The following GDPD5 variants were observed in gnomAD, a reference collection of about 807,000 sequenced individuals.
GDPD5 encodes the protein glycerophosphodiester phosphodiesterase 2.
In GDPD5, 48 loss-of-function variants were observed where a neutral mutation model predicts 75.1. That is an observed-to-expected ratio of 0.64 (90% CI 0.51 to 0.81). GDPD5 has a LOEUF of 0.81. GDPD5 is among the 40% of genes least tolerant of loss of function. The pLI is 0.00. For synonymous variants in GDPD5, 336 were observed against 339.0 expected, an observed-to-expected ratio of 0.99 and a Z score of 0.10; for missense variants, 706 against 822.6, an observed-to-expected ratio of 0.86 and a Z score of 1.73.
chr11:75,446,295 G>A (rs543272339), intron 9 of GDPD5, among the ~76,000 whole-genome samples: 48 of 152,320 alleles, frequency 3.2e-4, no homozygotes, highest in African/African-American at 1.1e-3. Flanking sequence ...CTGACCTCCT[G>A]GAGAAAGAGA....
intron 3 of GDPD5, among the ~76,000 whole-genome samples, chr11:75,473,775 T>C (rs1043492672): frequency 3.3e-5 from 5 of 152,138 alleles, no homozygotes; most frequent in African/African-American, 7.2e-5. Flanking sequence ...GTGCACACAG[T>C]TCCCCCTACC....
At chr11:75,450,024 T>TG in intron 6 of GDPD5, 41 bp from the exon 7 acceptor site, 1 of 1,561,382 alleles carries the variant, frequency 6.4e-7, no homozygotes, top group Non-Finnish European at 8.8e-7. Flanking sequence ...TCAGAGCGGG[T>TG]GGGAGGGTTC....
At chr11:75,441,116 G>C in intron 14 of GDPD5, 47 bp downstream of exon 14, 1 of 1,594,518 alleles carries the variant, frequency 6.3e-7, no homozygotes, top group Non-Finnish European at 8.6e-7. Context: ...GCAGGCTATA[G>C]GCAGCTCCAG....
chr11:75,510,120 G>T (rs1950484593), intron 1 of GDPD5, among the ~76,000 whole-genome samples: 1 of 152,236 alleles, frequency 6.6e-6, no homozygotes, highest in African/African-American at 2.4e-5. Flanking sequence ...AAGGGAGAAA[G>T]CACGAGGGGC....
intron 16 of GDPD5, among the ~76,000 whole-genome samples, chr11:75,436,058 G>A (rs1435168111): frequency 2.0e-5 from 3 of 152,180 alleles, no homozygotes; most frequent in Non-Finnish European, 2.9e-5. Context: ...GCCCTGGGCC[G>A]AGTTAGGGCC....
chr11:75,493,380 T>A (rs967876611), intron 1 of GDPD5, among the ~76,000 whole-genome samples: 1 of 152,096 alleles, frequency 6.6e-6, no homozygotes, highest in African/African-American at 2.4e-5. Context: ...CTCTGTTTTT[T>A]ATTTTTTTAT....
At chr11:75,522,352 C>T (rs1375996603) in intron 1 of GDPD5, among the ~76,000 whole-genome samples, 1 of 152,190 alleles carries the variant, frequency 6.6e-6, no homozygotes, top group Non-Finnish European at 1.5e-5. Context: ...GGAGGGATGT[C>T]AGGACCCCCC....
intron 1 of GDPD5, among the ~76,000 whole-genome samples, chr11:75,519,133 A>G (rs1379613962): frequency 6.6e-6 from 1 of 152,010 alleles, no homozygotes; most frequent in African/African-American, 2.4e-5. Context: ...AGATGGAGAG[A>G]TGGTGTGGGT....
intron 1 of GDPD5, among the ~76,000 whole-genome samples, chr11:75,497,554 C>CTT (rs10665274): frequency 0.65 from 98,876 of 151,922 alleles, 33,303 homozygotes; most frequent in East Asian, 0.92. Flanking sequence ...CACCCTCTCT[C>CTT]GGCGCCTGCA....
chr11:75,440,314 G>T (rs987325173), intron 14 of GDPD5, among the ~76,000 whole-genome samples: 1 of 152,086 alleles, frequency 6.6e-6, no homozygotes, highest in Non-Finnish European at 1.5e-5. Context: ...CCCCGCTGCC[G>T]ACTCTCATCC....
intron 2 of GDPD5, among the ~76,000 whole-genome samples, chr11:75,487,481 C>A (rs1950040343): frequency 6.6e-6 from 1 of 152,224 alleles, no homozygotes; most frequent in Admixed American, 6.5e-5. Context: ...GCCCTGCAAG[C>A]CTCCTCATTC....
intron 4 of GDPD5, among the ~76,000 whole-genome samples, chr11:75,462,480 G>T (rs983642281): frequency 2.6e-5 from 4 of 152,198 alleles, no homozygotes; most frequent in Non-Finnish European, 5.9e-5. Context: ...GTTCGCAGTA[G>T]GACTCCCCTC....
intron 16 of GDPD5, among the ~76,000 whole-genome samples, chr11:75,436,086 G>A (rs1416043153): frequency 6.6e-6 from 1 of 152,180 alleles, no homozygotes; most frequent in Non-Finnish European, 1.5e-5. Flanking sequence ...GGCAACTCCA[G>A]ACCCTGCTTC....
chr11:75,439,919 C>T lies in GDPD5; in HGVS notation c.1516G>A (p.Val506Ile), dbSNP rs1948739117. The T allele has an allele frequency of 6.2e-7, 1 of 1,613,856 alleles. No individual in the cohort carries two copies. Among genetic ancestry groups the T allele is most frequent in the African/African-American group, 1.3e-5 (1 of 74,912 alleles). The change falls in exon 15 of 17, where the codon GTC becomes ATC. Residue 506 changes from valine to isoleucine, a missense_variant. By Grantham distance (29) the Val-to-Ile change is conservative. Transcript: ENST00000336898. ...ATGCCCACGATGAGGGTGAAGGAGA[C>T]CAGGTCGGCAGTGACCCACATGAGA... ...YCLMWVTADLVSFTLIVGIFV... is the reference protein window; with the variant it reads ...YCLMWVTADLISFTLIVGIFV...
intron 1 of GDPD5, among the ~76,000 whole-genome samples, chr11:75,522,122 C>T (rs1003753865): frequency 2.6e-5 from 4 of 152,202 alleles, no homozygotes; most frequent in Non-Finnish European, 4.4e-5. Context: ...CCACCTGCCC[C>T]GCCACTAGCC....
At chr11:75,439,232 C>A (rs535355958) in intron 15 of GDPD5, 5 of 422,586 alleles carry the variant, frequency 1.2e-5, no homozygotes, top group South Asian at 5.1e-5. Context: ...TGCGAGGTGG[C>A]CCGGGCACAG....
At chr11:75,512,034 G>A (rs538743710) in intron 1 of GDPD5, among the ~76,000 whole-genome samples, 10 of 152,256 alleles carry the variant, frequency 6.6e-5, no homozygotes, top group African/African-American at 2.4e-4. Context: ...TTTACTGCAT[G>A]CATGGCCAGG....
At chr11:75,439,235 G>GGGCACAGGGCTCA in intron 15 of GDPD5, 3 of 424,170 alleles carry the variant, frequency 7.1e-6, no homozygotes, top group South Asian at 5.0e-5. Context: ...GAGGTGGCCC[G>GGGCACAGGGCTCA]GGCACAGGGC....
At chr11:75,504,106 C>T (rs1950347245) in intron 1 of GDPD5, among the ~76,000 whole-genome samples, 1 of 152,200 alleles carries the variant, frequency 6.6e-6, no homozygotes, top group African/African-American at 2.4e-5. Flanking sequence ...TGAGATTCAC[C>T]ACATGCTCAG....
Sources: gnomAD v4.1 joint callset for allele counts (sites outside exome capture counted in the v4.1 genomes callset) on GRCh38, gnomAD v4.1.1 for gene constraint, MANE v1.5 for transcripts, NCBI Gene and HGNC (gene_info 2026-07-23, HGNC 2026-07-21) for gene names.